Variants in AUTS2 observed in about 807,000 individuals in gnomAD.
AUTS2 encodes activator of transcription and developmental regulator AUTS2.
Under a neutral mutation model 112.4 loss-of-function variants are expected in AUTS2, and 17 were observed. The observed-to-expected ratio is 0.15, with a 90% confidence interval of 0.10 to 0.23. AUTS2 has a LOEUF of 0.23. Ranked by LOEUF, AUTS2 falls within the 10% of genes least tolerant of loss-of-function variation. The probability of loss-of-function intolerance (pLI) is 1.00; values close to 1 mark genes in which losing one functional copy is unlikely to be tolerated. For synonymous variants in AUTS2, 751 were observed against 702.7 expected, an observed-to-expected ratio of 1.07 and a Z score of -1.09; for missense variants, 1,510 against 1,701.6, an observed-to-expected ratio of 0.89 and a Z score of 1.98.
chr7:69,798,389 A>AC (rs1789941403), intron 1 of AUTS2, among the ~76,000 whole-genome samples: 1 of 151,890 alleles, frequency 6.6e-6, no homozygotes, highest in African/African-American at 2.4e-5. Flanking sequence ...ACGTTGCATT[A>AC]CCCCCTCTTC....
intron 4 of AUTS2, chr7:70,316,935 C>T (rs1161897874): frequency 6.6e-6 from 1 of 152,144 alleles, no homozygotes; most frequent in East Asian, 1.9e-4. Context: ...CCTGCAACCC[C>T]AACCCTCCGT....
chr7:70,490,118 T>A (rs1044461551), intron 5 of AUTS2, among the ~76,000 whole-genome samples: 4 of 151,250 alleles, frequency 2.6e-5, no homozygotes, highest in African/African-American at 7.3e-5. Flanking sequence ...CATGAGGAGG[T>A]AGGAACCGAA....
chr7:70,450,312 G>C (rs970039080), intron 5 of AUTS2, among the ~76,000 whole-genome samples: 1 of 152,196 alleles, frequency 6.6e-6, no homozygotes, highest in African/African-American at 2.4e-5. Context: ...TGCTGTTTCT[G>C]AGGAATGGCA....
chr7:70,164,403 G>A (rs1188963851), intron 4 of AUTS2, among the ~76,000 whole-genome samples: 2 of 152,074 alleles, frequency 1.3e-5, no homozygotes, highest in East Asian at 1.9e-4. Flanking sequence ...TATGTTGTAT[G>A]TTTAGTCATT....
At chr7:70,441,988 A>G (rs1488292231) in intron 5 of AUTS2, among the ~76,000 whole-genome samples, 1 of 152,056 alleles carries the variant, frequency 6.6e-6, no homozygotes, top group Non-Finnish European at 1.5e-5. Flanking sequence ...GAAGGCCCTC[A>G]TTGTTGCTTG....
chr7:69,997,726 G>A (rs1361573533), intron 2 of AUTS2, among the ~76,000 whole-genome samples: 1 of 152,058 alleles, frequency 6.6e-6, no homozygotes, highest in South Asian at 2.1e-4. Context: ...ATTCCCCCTG[G>A]AGAACACCAA....
At chr7:70,680,320 T>C (rs959724709) in intron 5 of AUTS2, among the ~76,000 whole-genome samples, 1 of 152,142 alleles carries the variant, frequency 6.6e-6, no homozygotes, top group African/African-American at 2.4e-5. Context: ...ATTTTAATGG[T>C]GAAGAAATAG....
chr7:70,645,307 C>T (rs1404513770), intron 5 of AUTS2, among the ~76,000 whole-genome samples: 1 of 150,948 alleles, frequency 6.6e-6, no homozygotes, highest in Non-Finnish European at 1.5e-5. Context: ...TGGATCTCCC[C>T]AGACCCCTCT....
At chr7:69,821,901 G>A (rs10272781) in intron 1 of AUTS2, among the ~76,000 whole-genome samples, 4 of 138,672 alleles carry the variant, frequency 2.9e-5, no homozygotes, top group Non-Finnish European at 6.1e-5. Context: ...GGGCGATAGA[G>A]TGAGACAGGG....
At chr7:69,832,510 C>T (rs1417356142) in intron 1 of AUTS2, among the ~76,000 whole-genome samples, 1 of 152,170 alleles carries the variant, frequency 6.6e-6, no homozygotes. Flanking sequence ...ATTACAGACT[C>T]CCCTGCTTCT....
chr7:70,701,776 A>G (rs6958850), intron 6 of AUTS2, among the ~76,000 whole-genome samples: 18,837 of 152,238 alleles, frequency 0.12, 1,594 homozygotes, highest in East Asian at 0.42. Context: ...CATAGTTGCC[A>G]TATTTAATCT....
chr7:70,445,573 G>A (rs1367148454), intron 5 of AUTS2, among the ~76,000 whole-genome samples: 2 of 152,130 alleles, frequency 1.3e-5, no homozygotes, highest in Admixed American at 1.3e-4. Context: ...TTTTAGCCTG[G>A]AATGCAGTTA....
At chr7:70,289,423 C>G (rs972840021) in intron 4 of AUTS2, among the ~76,000 whole-genome samples, 4 of 152,194 alleles carry the variant, frequency 2.6e-5, no homozygotes, top group African/African-American at 9.7e-5. Flanking sequence ...AGGTGTCTAT[C>G]GACAGCCTTC....
chr7:70,512,256 A>C (rs751841304), intron 5 of AUTS2, among the ~76,000 whole-genome samples: 35 of 152,208 alleles, frequency 2.3e-4, no homozygotes, highest in Non-Finnish European at 4.7e-4. Flanking sequence ...ATGTGATATT[A>C]GCCACATAGA....
At chr7:70,143,163 T>C (rs1806950354) in intron 4 of AUTS2, among the ~76,000 whole-genome samples, 1 of 152,196 alleles carries the variant, frequency 6.6e-6, no homozygotes, top group South Asian at 2.1e-4. Flanking sequence ...CAACTGGGGC[T>C]TGTTAAAGAG....
At chr7:69,996,946 T>TAAAAAAAAAAAAAAAAAAAAAAA (rs1161825217) in intron 2 of AUTS2, among the ~76,000 whole-genome samples, 2 of 99,038 alleles carry the variant, frequency 2.0e-5, no homozygotes, top group Non-Finnish European at 3.9e-5. Flanking sequence ...CTGGAACACT[T>TAAAAAAAAAAAAAAAAAAAAAAA]AAAAAAAAAA....
At chr7:70,197,465 G>A (rs1810241376) in intron 4 of AUTS2, among the ~76,000 whole-genome samples, 2 of 141,736 alleles carry the variant, frequency 1.4e-5, no homozygotes, top group Admixed American at 1.4e-4. Flanking sequence ...CAGACAGTGG[G>A]CGCAGGCCAG....
At chr7:70,277,954 ATGTATGTG>A (rs1562843884) in intron 4 of AUTS2, among the ~76,000 whole-genome samples, 14 of 140,520 alleles carry the variant, frequency 1.0e-4, no homozygotes, top group African/African-American at 3.4e-4. Context: ...GTGTGTATGT[ATGTATGTG>A]TGTGTGTGTG....
At chr7:70,725,491 G>A (rs990423359) in intron 6 of AUTS2, among the ~76,000 whole-genome samples, 6 of 152,152 alleles carry the variant, frequency 3.9e-5, no homozygotes, top group African/African-American at 9.7e-5. Context: ...ATGTTCTGTC[G>A]TGACTGTCAA....
Sources: gnomAD v4.1 joint callset for allele counts (sites outside exome capture counted in the v4.1 genomes callset) on GRCh38, gnomAD v4.1.1 for gene constraint, MANE v1.5 for transcripts, NCBI Gene and HGNC (gene_info 2026-07-23, HGNC 2026-07-21) for gene names.